DENND2A: variants seen among roughly 807,000 people sequenced by gnomAD.
DENND2A encodes DENN domain containing 2A.
DENND2A carries 53 observed loss-of-function variants against 105.3 expected under a neutral mutation model. The observed-to-expected ratio is 0.50, with a 90% confidence interval of 0.40 to 0.63. DENND2A has a LOEUF of 0.63. Among genes scored for constraint, DENND2A ranks in the 30% least tolerant of loss-of-function variants. DENND2A has a pLI of 0.00. For synonymous variants in DENND2A, 522 were observed against 508.4 expected (o/e 1.03, Z -0.36); for missense variants, 1,138 against 1,279.6 (o/e 0.89, Z 1.69).
At chr7:140,622,000 G>T (rs1259607913) in intron 1 of DENND2A, among the ~76,000 whole-genome samples, 1 of 152,158 alleles carries the variant, frequency 6.6e-6, no homozygotes, top group Non-Finnish European at 1.5e-5. Flanking sequence ...TCTTTGTAGG[G>T]GTCAAGCAAC....
chr7:140,544,785 A>G lies in DENND2A; in HGVS notation c.2179-19T>C. On this transcript the variant is annotated intron_variant, in intron 13 of 19. Coordinates refer to ENST00000496613, the MANE Select transcript of DENND2A (RefSeq NM_015689.5). ...CGATCACCTGCCAGGGAACAGGAGC[A>G]GCCATGAAGGAGGGGCCCAGCTACG... The G allele has an allele frequency of 6.4e-7, 1 of 1,560,510 alleles. No homozygotes were observed. Among genetic ancestry groups the G allele is most frequent in the South Asian group, 1.2e-5 (1 of 84,974 alleles).
chr7:140,539,203 G>C (rs888168449), intron 14 of DENND2A, among the ~76,000 whole-genome samples: 1 of 152,196 alleles, frequency 6.6e-6, no homozygotes, highest in African/African-American at 2.4e-5. Flanking sequence ...TCATGGCCTG[G>C]CCAAAGAACA....
intron 1 of DENND2A, among the ~76,000 whole-genome samples, chr7:140,638,641 T>C (rs566021542): frequency 2.0e-5 from 3 of 152,310 alleles, no homozygotes; most frequent in Admixed American, 6.5e-5. Flanking sequence ...CTCCCCGGCA[T>C]GCACTCACAT....
intron 5 of DENND2A, among the ~76,000 whole-genome samples, chr7:140,576,423 G>A (rs754621891): frequency 4.0e-5 from 6 of 151,130 alleles, no homozygotes; most frequent in Admixed American, 6.6e-5. Context: ...TTATTCCATC[G>A]GTAATTTATT....
chr7:140,547,736 A>G (rs1796964523), intron 12 of DENND2A, among the ~76,000 whole-genome samples: 1 of 152,222 alleles, frequency 6.6e-6, no homozygotes, highest in African/African-American at 2.4e-5. Context: ...AAGAAACTTA[A>G]ATGTCCATTA....
chr7:140,544,931 G>C, intron 13 of DENND2A, 165 bp from the exon 14 acceptor site: 5 of 897,910 alleles, frequency 5.6e-6, no homozygotes, highest in Non-Finnish European at 5.3e-6. Context: ...GGAAAAGAAA[G>C]ATGCCAGAAG....
At chr7:140,549,978 G>A (rs1797055365) in intron 12 of DENND2A, among the ~76,000 whole-genome samples, 2 of 152,186 alleles carry the variant, frequency 1.3e-5, no homozygotes, top group African/African-American at 4.8e-5. Flanking sequence ...GCTACGACAT[G>A]AGTGAACCCT....
intron 16 of DENND2A, among the ~76,000 whole-genome samples, chr7:140,524,692 C>T (rs1173912065): frequency 6.6e-6 from 1 of 151,998 alleles, no homozygotes; most frequent in Non-Finnish European, 1.5e-5. Context: ...CCTCCTGCCT[C>T]AGCCTCCTGC....
At chr7:140,544,471 A>C in intron 14 of DENND2A, 147 bp downstream of exon 14, 1 of 1,001,750 alleles carries the variant, frequency 1.0e-6, no homozygotes, top group Non-Finnish European at 1.5e-6. Flanking sequence ...CTGAGATTAC[A>C]GGTGTGAGTC....
chr7:140,573,648 G>A (rs994693706), intron 6 of DENND2A, among the ~76,000 whole-genome samples, 160 bp downstream of exon 6: 16 of 152,176 alleles, frequency 1.1e-4, no homozygotes, highest in African/African-American at 2.9e-4. Flanking sequence ...ACGAAGGTCC[G>A]GATATTCCAG....
In DENND2A at chr7:140,518,719, G is replaced by C; in HGVS notation, c.3018C>G (p.Leu1006=). The C allele has an allele frequency of 1.2e-6, 2 of 1,613,726 alleles. No individual in the cohort carries two copies. The highest frequency in any genetic ancestry group is 1.7e-6 in the Non-Finnish European group (2 of 1,179,644). Residue 1006 remains leucine (L), a synonymous_variant, in exon 20 of 20, where the codon CTC becomes CTG. Coordinates refer to ENST00000496613, the MANE Select transcript of DENND2A (RefSeq NM_015689.5). ...TTGAGGCTGAGAGTTATTTCTTGTG[G>C]AGAAATTTCATTTTATTGCCTAAAA... The part of the protein sequence containing the change: ...LKGLGNKMKF[L]HKK
intron 9 of DENND2A, among the ~76,000 whole-genome samples, chr7:140,563,543 C>G (rs1172464294): frequency 6.6e-6 from 1 of 151,248 alleles, no homozygotes; most frequent in Non-Finnish European, 1.5e-5. Context: ...ATAAAACCCA[C>G]AAAAAAAGTT....
At chr7:140,584,872 G>A (rs1239235168) in intron 5 of DENND2A, among the ~76,000 whole-genome samples, 2 of 152,078 alleles carry the variant, frequency 1.3e-5, no homozygotes, top group East Asian at 3.8e-4. Flanking sequence ...ATATAGACAT[G>A]TGCGAGTTTA....
chr7:140,639,654 T>A (rs1341043213), intron 1 of DENND2A, among the ~76,000 whole-genome samples: 1 of 152,220 alleles, frequency 6.6e-6, no homozygotes, highest in Non-Finnish European at 1.5e-5. Context: ...CTATTACAAC[T>A]CTGTTACCCC....
At chr7:140,612,545 G>A (rs1230204062) in intron 1 of DENND2A, among the ~76,000 whole-genome samples, 3 of 149,798 alleles carry the variant, frequency 2.0e-5, no homozygotes, top group Non-Finnish European at 4.4e-5. Context: ...TCTGTTGCCC[G>A]ATCTGGAGTG....
intron 11 of DENND2A, among the ~76,000 whole-genome samples, chr7:140,556,845 C>G (rs1295882244): frequency 3.3e-5 from 5 of 152,112 alleles, no homozygotes; most frequent in Admixed American, 1.3e-4. Flanking sequence ...AAAAGATTCA[C>G]CATTACTGAA....
intron 3 of DENND2A, among the ~76,000 whole-genome samples, chr7:140,594,383 C>G (rs968768841): frequency 6.6e-6 from 1 of 152,244 alleles, no homozygotes; most frequent in African/African-American, 2.4e-5. Context: ...GTTCCTCTGA[C>G]ATGATGCAGT....
At chr7:140,588,452 T>C (rs2130652140) in intron 3 of DENND2A, among the ~76,000 whole-genome samples, 1 of 152,228 alleles carries the variant, frequency 6.6e-6, no homozygotes, top group African/African-American at 2.4e-5. Context: ...TTCAGCCCAT[T>C]TATGTAGTTC....
chr7:140,590,215 C>T lies in DENND2A; in HGVS notation c.996-2435G>A, dbSNP rs554954503. On this transcript the variant is annotated intron_variant, in intron 3 of 19. Coordinates refer to ENST00000496613, the MANE Select transcript of DENND2A (RefSeq NM_015689.5). Reference sequence around the variant, plus strand: ...GACCAGCCTGGCCAACATGGTGAAACCTTGTCTCTACTGAAAATACAAAAA... The same window carrying T: ...GACCAGCCTGGCCAACATGGTGAAATCTTGTCTCTACTGAAAATACAAAAA... 3.2e-4 allele frequency among the ~76,000 whole-genome samples: 49 copies of T among 151,852 alleles called. 1 individual carries two copies. In the South Asian group the frequency reaches 0.01, roughly 32 times the overall value.
Sources: gnomAD v4.1 joint callset for allele counts (sites outside exome capture counted in the v4.1 genomes callset) on GRCh38, gnomAD v4.1.1 for gene constraint, MANE v1.5 for transcripts, NCBI Gene and HGNC (gene_info 2026-07-23, HGNC 2026-07-21) for gene names.